Variants in ERC2 observed in about 807,000 individuals in gnomAD.
The protein encoded by ERC2 is ERC protein 2.
ERC2 carries 42 observed loss-of-function variants against 114.8 expected under a neutral mutation model. That is an observed-to-expected ratio of 0.37 (90% CI 0.29 to 0.47). ERC2 has a LOEUF of 0.47. ERC2 is among the 20% of genes least tolerant of loss of function. The pLI, the probability that ERC2 is intolerant of heterozygous loss-of-function variation, is 0.99. For missense variants in ERC2, 939 were observed against 1,150.7 expected (o/e 0.82, Z 2.66); for synonymous variants, 454 against 425.5 (o/e 1.07, Z -0.82).
chr3:56,313,303 C>A (rs938905133), intron 2 of ERC2, among the ~76,000 whole-genome samples: 2 of 151,486 alleles, frequency 1.3e-5, no homozygotes, highest in Non-Finnish European at 2.9e-5. Context: ...TGTGAATATA[C>A]TAAAAATCAC....
intron 17 of ERC2, among the ~76,000 whole-genome samples, chr3:55,543,266 T>A (rs1575528364): frequency 6.6e-6 from 1 of 152,282 alleles, no homozygotes; most frequent in East Asian, 1.9e-4. Context: ...TATCTGCACT[T>A]GGAGGGAGAG....
At chr3:55,768,179 C>T (rs2067951143) in intron 14 of ERC2, among the ~76,000 whole-genome samples, 1 of 152,176 alleles carries the variant, frequency 6.6e-6, no homozygotes, top group Non-Finnish European at 1.5e-5. Context: ...GCCAATTAAA[C>T]CTCTTTTCTG....
intron 4 of ERC2, among the ~76,000 whole-genome samples, chr3:56,170,603 T>TTTTTTTTTTTTG (rs1560298995): frequency 4.8e-5 from 4 of 82,692 alleles, no homozygotes; most frequent in African/African-American, 1.2e-4. Context: ...TTTTTTTTTT[T>TTTTTTTTTTTTG]TTTTTTTTTT....
chr3:55,735,108 C>T (rs1018028166), intron 14 of ERC2, among the ~76,000 whole-genome samples, 190 bp from the exon 15 acceptor site: 1 of 152,126 alleles, frequency 6.6e-6, no homozygotes. Flanking sequence ...CCTGAGACTG[C>T]ACACTGCAGC....
intron 1 of ERC2, among the ~76,000 whole-genome samples, chr3:56,441,735 C>T (rs1394697638): frequency 6.6e-6 from 1 of 152,136 alleles, no homozygotes; most frequent in African/African-American, 2.4e-5. Flanking sequence ...TTAGTGGAGA[C>T]AGAATTTCAC....
At chr3:55,698,376 A>G (rs1481004230) in intron 16 of ERC2, among the ~76,000 whole-genome samples, 1 of 152,048 alleles carries the variant, frequency 6.6e-6, no homozygotes, top group East Asian at 1.9e-4. Context: ...GAAACTTCAA[A>G]TCTTAACCTC....
intron 1 of ERC2, among the ~76,000 whole-genome samples, chr3:56,441,040 T>C (rs1559507112): frequency 6.6e-6 from 1 of 152,126 alleles, no homozygotes; most frequent in East Asian, 1.9e-4. Flanking sequence ...ACAAATGCAG[T>C]AGAGGAGACA....
intron 2 of ERC2, among the ~76,000 whole-genome samples, chr3:56,420,299 C>A (rs2061337845): frequency 6.6e-6 from 1 of 150,682 alleles, no homozygotes; most frequent in Non-Finnish European, 1.5e-5. Context: ...ATCCTCCCAC[C>A]TCAGCCTCAC....
chr3:55,715,442 A>C (rs1291218738), intron 15 of ERC2, among the ~76,000 whole-genome samples: 1 of 152,204 alleles, frequency 6.6e-6, no homozygotes, highest in Non-Finnish European at 1.5e-5. Context: ...TATAGGCTAA[A>C]GTCATGCAAA....
Position 55,640,701 on chromosome 3 carries a change from G to A in ERC2, c.*39+43093C>T, listed in dbSNP as rs141753561. On this transcript the variant is annotated intron_variant, in intron 17 of 17. Coordinates refer to ENST00000288221, the MANE Select transcript of ERC2 (RefSeq NM_015576.3). Reference sequence around the variant, plus strand: ...TGAGAAAGTAGAAGACAAACATCCTGATTTTCCACTCCCCAGATGGAGTCC... The same window carrying A: ...TGAGAAAGTAGAAGACAAACATCCTAATTTTCCACTCCCCAGATGGAGTCC... Among the ~76,000 whole-genome samples the A allele has an allele frequency of 3.4e-3, 522 of 152,192 alleles. 3 individuals are homozygous for A. Among genetic ancestry groups the A allele is most frequent in the African/African-American group, 0.012 (490 of 41,522 alleles).
At chr3:55,555,459 G>A (rs1055840927) in intron 17 of ERC2, among the ~76,000 whole-genome samples, 2 of 152,178 alleles carry the variant, frequency 1.3e-5, no homozygotes, top group African/African-American at 4.8e-5. Flanking sequence ...TGCTTGGAGC[G>A]TCTTCCAGAA....
chr3:55,755,681 A>G (rs1405515826), intron 14 of ERC2, among the ~76,000 whole-genome samples: 3 of 152,136 alleles, frequency 2.0e-5, no homozygotes, highest in Non-Finnish European at 2.9e-5. Context: ...GGCATTTGTA[A>G]CTAACTGCCA....
intron 6 of ERC2, among the ~76,000 whole-genome samples, chr3:56,083,071 T>C (rs1465868725): frequency 6.6e-6 from 1 of 152,170 alleles, no homozygotes; most frequent in Non-Finnish European, 1.5e-5. Context: ...ATAGAAAGTG[T>C]AAAAGACATG....
chr3:56,323,647 A>G (rs191115170), intron 2 of ERC2, among the ~76,000 whole-genome samples: 5 of 152,318 alleles, frequency 3.3e-5, no homozygotes, highest in Admixed American at 3.3e-4. Context: ...TAGATAACTG[A>G]TAAACAAGAT....
intron 2 of ERC2, among the ~76,000 whole-genome samples, chr3:56,422,099 C>G (rs1332145100): frequency 6.6e-6 from 1 of 152,122 alleles, no homozygotes; most frequent in Non-Finnish European, 1.5e-5. Flanking sequence ...CAGAAACCAA[C>G]TGAGGAGGAA....
At chr3:56,331,671 C>T (rs954223953) in intron 2 of ERC2, among the ~76,000 whole-genome samples, 21 of 152,076 alleles carry the variant, frequency 1.4e-4, no homozygotes, top group African/African-American at 5.1e-4. Flanking sequence ...CAGGAGAGCA[C>T]AAGAACACTG....
At chr3:56,202,315 C>T (rs2048453315) in intron 3 of ERC2, among the ~76,000 whole-genome samples, 1 of 152,112 alleles carries the variant, frequency 6.6e-6, no homozygotes, top group Admixed American at 6.6e-5. Context: ...ACACATTAAA[C>T]ACGTTTATAA....
chr3:55,846,896 A>C (rs1468376905), intron 14 of ERC2, among the ~76,000 whole-genome samples: 2 of 152,200 alleles, frequency 1.3e-5, no homozygotes, highest in Non-Finnish European at 2.9e-5. Flanking sequence ...TAAATGGCAA[A>C]GCACAAGTGA....
intron 17 of ERC2, among the ~76,000 whole-genome samples, chr3:55,642,228 C>T (rs2060213862): frequency 6.6e-6 from 1 of 152,188 alleles, no homozygotes; most frequent in Admixed American, 6.5e-5. Context: ...TGAGCATGTT[C>T]TCTCTCCCCA....
Sources: allele counts gnomAD v4.1 joint callset (sites outside exome capture counted in the v4.1 genomes callset), GRCh38; gene constraint gnomAD v4.1.1; transcripts MANE v1.5; gene names NCBI Gene and HGNC (gene_info 2026-07-23, HGNC 2026-07-21).